Variants in ASB3 observed in about 807,000 individuals in gnomAD.
The protein encoded by ASB3 is ankyrin repeat and SOCS box protein 3.
Under a neutral mutation model 54.5 loss-of-function variants are expected in ASB3, and 41 were observed. That is an observed-to-expected ratio of 0.75 (90% CI 0.59 to 0.98). The LOEUF (loss-of-function observed/expected upper bound fraction) is 0.98, where lower values mean the gene tolerates loss of function less well. Among genes scored for constraint, ASB3 ranks in the 50% least tolerant of loss-of-function variants. The pLI is 0.00. For synonymous variants in ASB3, 266 were observed against 221.2 expected (o/e 1.20, Z -1.80); for missense variants, 733 against 620.0 (o/e 1.18, Z -1.94).
At chr2:53,741,929 T>G (rs1365073635) in intron 3 of ASB3, among the ~76,000 whole-genome samples, 1 of 152,162 alleles carries the variant, frequency 6.6e-6, no homozygotes, top group Non-Finnish European at 1.5e-5. Flanking sequence ...CAATCCTGGG[T>G]ACTTGTGGGA....
intron 1 of ASB3, among the ~76,000 whole-genome samples, chr2:53,784,713 C>T (rs886828491): frequency 1.3e-5 from 2 of 152,182 alleles, no homozygotes; most frequent in Non-Finnish European, 2.9e-5. Context: ...TTTCCCTCTT[C>T]TTATAAAGAT....
At chr2:53,776,900 TGAA>T (rs1674370979) in intron 1 of ASB3, among the ~76,000 whole-genome samples, 1 of 152,226 alleles carries the variant, frequency 6.6e-6, no homozygotes, top group Non-Finnish European at 1.5e-5. Flanking sequence ...GCTACTATGT[TGAA>T]GAATTTTAAC....
chr2:53,675,397 AG>A lies in ASB3; in HGVS notation c.1370-4708del, dbSNP rs537136799. Among the ~76,000 whole-genome samples the A allele has an allele frequency of 1.8e-4, 28 of 152,346 alleles. No homozygotes were observed. In the East Asian group the frequency reaches 5.2e-3, roughly 28 times the overall value. ...ATACTTTAAATAATTTCATTTTTAA[AG>A]GTATAAGACTCCTTTAAATATTAAT... On this transcript the variant is annotated intron_variant, in intron 9 of 9. Coordinates refer to ENST00000263634, the MANE Select transcript of ASB3 (RefSeq NM_016115.5).
intron 3 of ASB3, among the ~76,000 whole-genome samples, chr2:53,742,624 A>G (rs997214026): frequency 6.6e-6 from 1 of 152,180 alleles, no homozygotes; most frequent in African/African-American, 2.4e-5. Flanking sequence ...TATAATTTAA[A>G]CTGAATTCAG....
chr2:53,732,936 A>G (rs919445201), intron 3 of ASB3, among the ~76,000 whole-genome samples: 4 of 152,246 alleles, frequency 2.6e-5, no homozygotes, highest in Non-Finnish European at 5.9e-5. Context: ...GAGGAGACCC[A>G]TAACTGTGCT....
intron 9 of ASB3, among the ~76,000 whole-genome samples, chr2:53,681,888 G>A (rs914523704): frequency 2.6e-5 from 4 of 151,928 alleles, no homozygotes; most frequent in African/African-American, 7.3e-5. Context: ...GGCTGGGCGC[G>A]GTGGCTCATG....
chr2:53,701,406 A>G (rs561171392), intron 7 of ASB3, among the ~76,000 whole-genome samples: 1 of 152,350 alleles, frequency 6.6e-6, no homozygotes, highest in African/African-American at 2.4e-5. Context: ...CAGAGCTAGT[A>G]ATTGGCAGAA....
chr2:53,728,676 G>C, intron 5 of ASB3, 36 bp downstream of exon 5: 1 of 1,460,614 alleles, frequency 6.8e-7, no homozygotes, highest in South Asian at 1.6e-5. Context: ...TAAAGCTCAT[G>C]ATCTTAACAG....
chr2:53,781,787 G>A (rs1007146714), intron 1 of ASB3, among the ~76,000 whole-genome samples: 5 of 152,180 alleles, frequency 3.3e-5, no homozygotes, highest in African/African-American at 4.8e-5. Context: ...GAGCCACCAC[G>A]CCCGGCGGAG....
At chr2:53,672,096 T>C (rs1384622001) in intron 9 of ASB3, among the ~76,000 whole-genome samples, 1 of 152,200 alleles carries the variant, frequency 6.6e-6, no homozygotes, top group Admixed American at 6.5e-5. Flanking sequence ...CTCATCATCG[T>C]TTTTAGTTTA....
intron 5 of ASB3, among the ~76,000 whole-genome samples, chr2:53,718,868 G>C (rs1375151464): frequency 6.6e-6 from 1 of 151,850 alleles, no homozygotes; most frequent in Non-Finnish European, 1.5e-5. Flanking sequence ...GTTGAAAAAA[G>C]ATTTATCAAC....
chr2:53,682,784 T>C (rs1668443804), intron 9 of ASB3, among the ~76,000 whole-genome samples: 1 of 152,196 alleles, frequency 6.6e-6, no homozygotes, highest in African/African-American at 2.4e-5. Context: ...GCCTGTTCAC[T>C]GCTGGCATAA....
intron 7 of ASB3, among the ~76,000 whole-genome samples, chr2:53,708,553 G>C (rs1490752658): frequency 6.6e-6 from 1 of 152,248 alleles, no homozygotes; most frequent in Non-Finnish European, 1.5e-5. Flanking sequence ...ATGGCAGAGA[G>C]TGGAAGAGTT....
chr2:53,758,100 G>C (rs1429020997), intron 2 of ASB3, among the ~76,000 whole-genome samples: 1 of 152,200 alleles, frequency 6.6e-6, no homozygotes, highest in Non-Finnish European at 1.5e-5. Flanking sequence ...TTAAAAGCCA[G>C]GGTAAATTTA....
chr2:53,755,977 A>ATC (rs377587742), intron 2 of ASB3, among the ~76,000 whole-genome samples: 3 of 132,878 alleles, frequency 2.3e-5, no homozygotes, highest in Admixed American at 7.8e-5. Context: ...AAATAGTAAG[A>ATC]CCCCCCCCCC....
Position 53,759,437 on chromosome 2 carries a change from C to T in ASB3, c.196+5940G>A, listed in dbSNP as rs1419092697. 5.9e-5 allele frequency among the ~76,000 whole-genome samples: 9 copies of T among 152,296 alleles called. No individual in the cohort carries two copies. In the South Asian group the frequency reaches 1.0e-3, roughly 18 times the overall value. ...AACTAATCTTAAAGGATAAGTTTAT[C>T]ACTCAGTCAGCTGCAGACATTAGAA... On this transcript the variant is annotated intron_variant, in intron 2 of 9. Transcript: ENST00000263634.
At chr2:53,686,461 C>A (rs1668636549) in intron 9 of ASB3, among the ~76,000 whole-genome samples, 1 of 152,164 alleles carries the variant, frequency 6.6e-6, no homozygotes, top group African/African-American at 2.4e-5. Context: ...GAGCTGTCAT[C>A]TAAGCAGCTA....
At chr2:53,769,224 G>C (rs1309673202) in intron 1 of ASB3, among the ~76,000 whole-genome samples, 1 of 152,226 alleles carries the variant, frequency 6.6e-6, no homozygotes, top group Non-Finnish European at 1.5e-5. Flanking sequence ...TGAGTTGTCA[G>C]TTTTGGCTGG....
chr2:53,771,519 A>AC (rs1453543965), intron 1 of ASB3, among the ~76,000 whole-genome samples: 35 of 152,222 alleles, frequency 2.3e-4, no homozygotes, highest in African/African-American at 7.9e-4. Context: ...GTCTCAAAAA[A>AC]TAAATAAATA....
Sources: gnomAD v4.1 joint callset for allele counts (sites outside exome capture counted in the v4.1 genomes callset) on GRCh38, gnomAD v4.1.1 for gene constraint, MANE v1.5 for transcripts, NCBI Gene and HGNC (gene_info 2026-07-23, HGNC 2026-07-21) for gene names.